Variants in LRP1B observed in about 807,000 individuals in gnomAD.
LRP1B encodes the protein low-density lipoprotein receptor-related protein 1B.
In LRP1B, 217 loss-of-function variants were observed where a neutral mutation model predicts 556.6. That is an observed-to-expected ratio of 0.39 (90% CI 0.35 to 0.44). The LOEUF is 0.44. Among genes scored for constraint, LRP1B ranks in the 20% least tolerant of loss-of-function variants. The pLI is 1.00. For missense variants in LRP1B, 5,053 were observed against 5,620.8 expected (o/e 0.90, Z 3.23); for synonymous variants, 2,047 against 1,865.8 (o/e 1.10, Z -2.50).
rs1370922788 is a variant in LRP1B, at chr2:142,025,858, GAGA to G, written c.82+104787_82+104789del. Among the ~76,000 whole-genome samples, 13 of 152,116 alleles carry G rather than the reference GAGA, an allele frequency of 8.5e-5. 1 individual carries two copies. The highest frequency in any genetic ancestry group is 2.4e-4 in the African/African-American group (10 of 41,428). On this transcript the variant is annotated intron_variant, in intron 1 of 90. Transcript: ENST00000389484. ...GAGGAATGCGCTCCATGCATTTTAA[GAGA>G]AGGTTAGAGCAGGTTTCGAATTACA... is the stretch of plus-strand genomic sequence containing the variant.
intron 29 of LRP1B, among the ~76,000 whole-genome samples, chr2:140,843,330 C>A (rs1415132763): frequency 6.6e-6 from 1 of 151,862 alleles, no homozygotes; most frequent in African/African-American, 2.4e-5. Context: ...TAGTATCCAG[C>A]ATTTCCTCCT....
chr2:141,447,490 G>A (rs930144912), intron 3 of LRP1B, among the ~76,000 whole-genome samples: 7 of 151,980 alleles, frequency 4.6e-5, no homozygotes, highest in South Asian at 2.1e-4. Flanking sequence ...GAGAAGAGGC[G>A]TTCCAGTTTT....
At chr2:141,023,369 C>T (rs1286676334) in intron 11 of LRP1B, among the ~76,000 whole-genome samples, 1 of 151,682 alleles carries the variant, frequency 6.6e-6, no homozygotes, top group Non-Finnish European at 1.5e-5. Context: ...CTATAAGAGA[C>T]ACCTACCACT....
chr2:141,687,571 T>C (rs367839898), intron 2 of LRP1B, among the ~76,000 whole-genome samples: 57 of 152,154 alleles, frequency 3.7e-4, no homozygotes, highest in East Asian at 3.7e-3. Flanking sequence ...GTCAGTTGAA[T>C]AAAAGTTTTG....
At chr2:141,492,014 C>T (rs534916363) in intron 2 of LRP1B, among the ~76,000 whole-genome samples, 1 of 132,038 alleles carries the variant, frequency 7.6e-6, no homozygotes, top group African/African-American at 2.8e-5. Context: ...AAGTGATAAT[C>T]GTTAAAGGAA....
intron 7 of LRP1B, among the ~76,000 whole-genome samples, chr2:141,139,570 G>A (rs1475571236): frequency 2.0e-5 from 3 of 151,376 alleles, no homozygotes; most frequent in African/African-American, 7.3e-5. Flanking sequence ...ATATATGAAT[G>A]GCAAATAAGG....
chr2:141,428,730 C>A (rs1255311052), intron 3 of LRP1B, among the ~76,000 whole-genome samples: 1 of 152,134 alleles, frequency 6.6e-6, no homozygotes, highest in Admixed American at 6.5e-5. Context: ...ATGGATCTGA[C>A]CTTCTCTCAT....
chr2:140,678,109 A>T (rs1685735737), intron 41 of LRP1B, among the ~76,000 whole-genome samples: 1 of 152,148 alleles, frequency 6.6e-6, no homozygotes, highest in African/African-American at 2.4e-5. Context: ...TAGATTCTTA[A>T]TCATGATACT....
intron 5 of LRP1B, among the ~76,000 whole-genome samples, chr2:141,239,277 G>T (rs1683773947): frequency 6.6e-6 from 1 of 152,012 alleles, no homozygotes; most frequent in South Asian, 2.1e-4. Flanking sequence ...GGCAATGGGA[G>T]GTCACTGAAG....
intron 2 of LRP1B, among the ~76,000 whole-genome samples, chr2:141,556,948 A>T (rs1027003708): frequency 1.3e-5 from 2 of 151,500 alleles, no homozygotes; most frequent in Non-Finnish European, 3.0e-5. Flanking sequence ...TTATAATATC[A>T]CTCCTTTCTC....
At chr2:141,237,301 A>T (rs901003150) in intron 5 of LRP1B, among the ~76,000 whole-genome samples, 1 of 151,462 alleles carries the variant, frequency 6.6e-6, no homozygotes, top group African/African-American at 2.4e-5. Flanking sequence ...TTGGCACATT[A>T]GTCCAATGGC....
At chr2:140,267,887 C>T (rs1453869601) in intron 86 of LRP1B, among the ~76,000 whole-genome samples, 2 of 151,688 alleles carry the variant, frequency 1.3e-5, no homozygotes, top group Admixed American at 6.6e-5. Flanking sequence ...TCAGATAGGC[C>T]AATTATCATT....
intron 2 of LRP1B, among the ~76,000 whole-genome samples, chr2:141,583,355 A>G (rs1176427603): frequency 1.3e-5 from 2 of 152,184 alleles, no homozygotes; most frequent in Middle Eastern, 3.2e-3. Flanking sequence ...AAAGGTTACA[A>G]ACAGAGATAC....
chr2:141,342,215 G>A (rs1339116764), intron 3 of LRP1B, among the ~76,000 whole-genome samples: 3 of 144,250 alleles, frequency 2.1e-5, no homozygotes, highest in Non-Finnish European at 4.5e-5. Flanking sequence ...CCGCACTCCA[G>A]CCAGGGTGAC....
chr2:142,077,048 T>C (rs1705527265), intron 1 of LRP1B, among the ~76,000 whole-genome samples: 3 of 152,086 alleles, frequency 2.0e-5, no homozygotes, highest in Admixed American at 6.6e-5. Context: ...TAAGATAATA[T>C]ATGAATGGCA....
intron 2 of LRP1B, among the ~76,000 whole-genome samples, chr2:141,537,400 G>T (rs935534683): frequency 2.0e-5 from 3 of 152,032 alleles, no homozygotes; most frequent in African/African-American, 7.2e-5. Flanking sequence ...TAAAGAAAAT[G>T]AAATAGATTT....
chr2:140,281,552 T>C (rs2104966298), intron 84 of LRP1B, among the ~76,000 whole-genome samples: 1 of 151,982 alleles, frequency 6.6e-6, no homozygotes, highest in East Asian at 1.9e-4. Context: ...ATTAATATTA[T>C]TGCATTTTAT....
chr2:140,507,055 C>A, intron 52 of LRP1B, 137 bp from the exon 53 acceptor site: 8 of 736,104 alleles, frequency 1.1e-5, no homozygotes, highest in Non-Finnish European at 8.6e-6. Flanking sequence ...GCATAATATT[C>A]AATACATCAG....
chr2:141,652,741 T>C (rs1004250330), intron 2 of LRP1B, among the ~76,000 whole-genome samples: 3 of 152,158 alleles, frequency 2.0e-5, no homozygotes, highest in Admixed American at 2.0e-4. Context: ...AATCATAACA[T>C]AGGCAGGCAG....
Sources: gnomAD v4.1 joint callset for allele counts (sites outside exome capture counted in the v4.1 genomes callset) on GRCh38, gnomAD v4.1.1 for gene constraint, MANE v1.5 for transcripts, NCBI Gene and HGNC (gene_info 2026-07-23, HGNC 2026-07-21) for gene names.